Variants in GABRB2 observed in about 807,000 individuals in gnomAD.
The protein encoded by GABRB2 is gamma-aminobutyric acid type A receptor subunit beta2, also known as gamma-aminobutyric acid receptor subunit beta-2.
Under a neutral mutation model 54.7 loss-of-function variants are expected in GABRB2, and 16 were observed. That is an observed-to-expected ratio of 0.29 (90% CI 0.20 to 0.44). The LOEUF is 0.44. Ranked by LOEUF, GABRB2 falls within the 20% of genes least tolerant of loss-of-function variation. The pLI is 1.00. For synonymous variants in GABRB2, 244 were observed against 233.8 expected (o/e 1.04, Z -0.40); for missense variants, 355 against 644.0 (o/e 0.55, Z 4.86).
chr5:161,486,872 T>A (rs1758940646), intron 3 of GABRB2, among the ~76,000 whole-genome samples: 1 of 151,950 alleles, frequency 6.6e-6, no homozygotes, highest in African/African-American at 2.4e-5. Context: ...TGGACATCAT[T>A]GAACATAGCT....
At chr5:161,525,239 A>T (rs1760241227) in intron 3 of GABRB2, among the ~76,000 whole-genome samples, 1 of 151,358 alleles carries the variant, frequency 6.6e-6, no homozygotes. Context: ...GATCTAAAAC[A>T]TCAATAATGT....
chr5:161,434,394 C>T lies in GABRB2; in HGVS notation c.459-23337G>A, dbSNP rs554293363. On this transcript the variant is annotated intron_variant, in intron 4 of 9. Transcript: ENST00000393959. ...CTCTGATTAAAATTATCAGTGACAT[C>T]CCTTCCCCTAAAGATAAAGTCCAGG... Among the ~76,000 whole-genome samples the T allele has an allele frequency of 2.7e-4, 41 of 152,228 alleles. 1 individual carries two copies. The highest frequency in any genetic ancestry group is 7.2e-4 in the Admixed American group (11 of 15,286).
At chr5:161,401,717 A>G (rs760882600) in intron 5 of GABRB2, among the ~76,000 whole-genome samples, 1 of 152,226 alleles carries the variant, frequency 6.6e-6, no homozygotes, top group Non-Finnish European at 1.5e-5. Flanking sequence ...ATACTATAAA[A>G]CATTCATGCT....
chr5:161,388,402 C>T lies in GABRB2; in HGVS notation c.541+22573G>A, dbSNP rs189939786. ...CACAAATTTATTACTTATAGCCTAT[C>T]GAAATTTTTCAAACTGAGAGGTATA... On this transcript the variant is annotated intron_variant, in intron 5 of 9. Transcript: ENST00000393959. Among the ~76,000 whole-genome samples the T allele has an allele frequency of 5.1e-3, 779 of 152,032 alleles. 3 individuals carry two copies. The highest frequency in any genetic ancestry group is 8.0e-3 in the Non-Finnish European group (540 of 67,914).
chr5:161,363,999 T>C (rs940779004), intron 5 of GABRB2, among the ~76,000 whole-genome samples: 1 of 152,194 alleles, frequency 6.6e-6, no homozygotes, highest in African/African-American at 2.4e-5. Context: ...CTGTTTCACA[T>C]TTTATCCAGG....
chr5:161,333,361 C>T (rs947217434), intron 7 of GABRB2, among the ~76,000 whole-genome samples: 2 of 152,094 alleles, frequency 1.3e-5, no homozygotes, highest in Admixed American at 1.3e-4. Flanking sequence ...ACTAAGAAAA[C>T]AAAAGTTATA....
In GABRB2 at chr5:161,336,718, G is replaced by A. The variant is rs768034233; in HGVS notation, c.593C>T (p.Ala198Val). Residue 198 changes from alanine (A) to valine (V), a missense_variant, in exon 6 of 10, where the codon GCA (alanine) becomes GTA (valine). Ala to Val is a moderately conservative substitution (Grantham distance 64). Around this residue, in one of 6 missense-constraint regions of GABRB2, gnomAD observed 30 missense variants for 33.7 expected, o/e 0.89. Transcript: ENST00000393959. ...IEFYWRGDDNAVTGVTKIELP... is the reference protein window; with the variant it reads ...IEFYWRGDDNVVTGVTKIELP... ...TTCAATTTTCGTTACTCCTGTTACT[G>A]CATTATCATCGCCACGCCAGTAAAA... 1 of 1,612,402 alleles carries A rather than the reference G, an allele frequency of 6.2e-7. No homozygotes were observed. The highest frequency in any genetic ancestry group is 8.5e-7 in the Non-Finnish European group (1 of 1,179,604).
At chr5:161,399,085 C>A (rs563441554) in intron 5 of GABRB2, among the ~76,000 whole-genome samples, 4 of 152,178 alleles carry the variant, frequency 2.6e-5, no homozygotes, top group Admixed American at 2.6e-4. Context: ...AGGAATTCTA[C>A]AAATATAGTG....
intron 7 of GABRB2, among the ~76,000 whole-genome samples, chr5:161,334,081 A>C (rs1022275508): frequency 7.2e-5 from 11 of 152,336 alleles, no homozygotes; most frequent in African/African-American, 2.6e-4. Flanking sequence ...GATTGAATTG[A>C]GATCTAATGG....
intron 5 of GABRB2, among the ~76,000 whole-genome samples, chr5:161,382,667 TA>T (rs1360373633): frequency 6.6e-6 from 1 of 152,196 alleles, no homozygotes; most frequent in Non-Finnish European, 1.5e-5. Context: ...CCTAAGGACC[TA>T]AAATCTAGTC....
chr5:161,363,107 A>G (rs545501522), intron 5 of GABRB2, among the ~76,000 whole-genome samples: 1 of 152,342 alleles, frequency 6.6e-6, no homozygotes, highest in South Asian at 2.1e-4. Context: ...TGTTCACAAT[A>G]GCAAAGACTT....
At chr5:161,406,821 ACTGT>A (rs1218627802) in intron 5 of GABRB2, among the ~76,000 whole-genome samples, 1 of 152,010 alleles carries the variant, frequency 6.6e-6, no homozygotes, top group African/African-American at 2.4e-5. Flanking sequence ...GAGATGCCTG[ACTGT>A]CTGTCTCAGT....
At chr5:161,400,794 A>G (rs1018840202) in intron 5 of GABRB2, among the ~76,000 whole-genome samples, 1 of 152,184 alleles carries the variant, frequency 6.6e-6, no homozygotes, top group African/African-American at 2.4e-5. Flanking sequence ...AGCTGTGCTT[A>G]CCACCTGGTC....
chr5:161,345,282 A>G (rs936957749), intron 5 of GABRB2, among the ~76,000 whole-genome samples: 5 of 152,116 alleles, frequency 3.3e-5, no homozygotes, highest in African/African-American at 1.2e-4. Flanking sequence ...GATGAAAAAA[A>G]GTTGATGATC....
intron 5 of GABRB2, among the ~76,000 whole-genome samples, chr5:161,375,744 C>G (rs12657747): frequency 6.6e-6 from 1 of 152,176 alleles, no homozygotes; most frequent in African/African-American, 2.4e-5. Context: ...TAACATCATA[C>G]GGTTTAAATG....
At chr5:161,430,183 C>T (rs1004729983) in intron 4 of GABRB2, among the ~76,000 whole-genome samples, 2 of 152,024 alleles carry the variant, frequency 1.3e-5, no homozygotes, top group South Asian at 2.1e-4. Flanking sequence ...GCAATGGCAA[C>T]TCTACCCAAC....
At chr5:161,498,578 A>G (rs1759327685) in intron 3 of GABRB2, among the ~76,000 whole-genome samples, 1 of 152,068 alleles carries the variant, frequency 6.6e-6, no homozygotes, top group Admixed American at 6.6e-5. Context: ...CAATCACTGT[A>G]TTTTTAAAAT....
At chr5:161,301,767 C>T (rs1757545589) in intron 9 of GABRB2, among the ~76,000 whole-genome samples, 1 of 152,216 alleles carries the variant, frequency 6.6e-6, no homozygotes, top group Admixed American at 6.5e-5. Flanking sequence ...AGCTTTAACT[C>T]CCAAGTCCAT....
At chr5:161,533,671 G>C (rs942165409) in intron 3 of GABRB2, among the ~76,000 whole-genome samples, 1 of 151,870 alleles carries the variant, frequency 6.6e-6, no homozygotes, top group African/African-American at 2.4e-5. Flanking sequence ...TATTTACTAA[G>C]ACTCCTTTCT....
Sources: allele counts gnomAD v4.1 joint callset (sites outside exome capture counted in the v4.1 genomes callset), GRCh38; gene constraint gnomAD v4.1.1; regional missense constraint gnomAD v4.1.1; transcripts MANE v1.5; gene names NCBI Gene and HGNC (gene_info 2026-07-23, HGNC 2026-07-21).